LHFPL2: variants seen among roughly 807,000 people sequenced by gnomAD.
LHFPL2 encodes the protein LHFPL tetraspan subfamily member 2 protein.
Under a neutral mutation model 17.5 loss-of-function variants are expected in LHFPL2, and 7 were observed. That is an observed-to-expected ratio of 0.40 (90% CI 0.23 to 0.75). The LOEUF is 0.75. Ranked by LOEUF, LHFPL2 falls within the 30% of genes least tolerant of loss-of-function variation. The probability of loss-of-function intolerance (pLI) is 0.37; values close to 1 mark genes in which losing one functional copy is unlikely to be tolerated. For synonymous variants in LHFPL2, 134 were observed against 116.2 expected, an observed-to-expected ratio of 1.15 and a Z score of -0.99; for missense variants, 241 against 294.8, an observed-to-expected ratio of 0.82 and a Z score of 1.34.
In LHFPL2 at chr5:78,598,224, T is replaced by C. The variant is rs344657; in HGVS notation, c.-244-33353A>G. 8.7e-3 allele frequency among the ~76,000 whole-genome samples: 1,330 copies of C among 152,334 alleles called. 9 individuals are homozygous for C. The highest frequency in any genetic ancestry group is 0.013 in the Non-Finnish European group (878 of 68,024). ...TATACAAACTACTAGTTCAAGTTAA[T>C]TCACAAAATGCATTACATTCCTTTT... On this transcript the variant is annotated intron_variant, in intron 2 of 4. Transcript: ENST00000380345.
At chr5:78,530,442 G>C (rs1755748656) in intron 3 of LHFPL2, among the ~76,000 whole-genome samples, 1 of 152,308 alleles carries the variant, frequency 6.6e-6, no homozygotes, top group Middle Eastern at 3.4e-3. Flanking sequence ...CAAGAGATTT[G>C]TCTACACACG....
At chr5:78,594,149 C>A (rs1743746357) in intron 2 of LHFPL2, among the ~76,000 whole-genome samples, 1 of 152,196 alleles carries the variant, frequency 6.6e-6, no homozygotes, top group Admixed American at 6.5e-5. Context: ...GTTATCCTGG[C>A]TCTTAGCCTT....
rs1432063173 is a variant in LHFPL2 at position 78,555,394 on chromosome 5, A to T, written c.-186+9419T>A. Among the ~76,000 whole-genome samples, 4 of 152,260 alleles carry T rather than the reference A, an allele frequency of 2.6e-5. No homozygotes were observed. The South Asian group carries it at 6.2e-4, about 24-fold the overall frequency. The stretch of plus-strand genomic sequence containing the variant: ...CATTTGTTTTAGAGAAATCTAGTTT[A>T]TCCATTGTGTAAGACTATTTCTAAT... On this transcript the variant is annotated intron_variant, in intron 3 of 4. Coordinates refer to ENST00000380345, the MANE Select transcript of LHFPL2 (RefSeq NM_005779.3).
chr5:78,509,107 C>T (rs1755023507), intron 4 of LHFPL2, among the ~76,000 whole-genome samples: 1 of 152,208 alleles, frequency 6.6e-6, no homozygotes, highest in South Asian at 2.1e-4. Flanking sequence ...CTTTTACTTT[C>T]CACCCATTTC....
At chr5:78,513,135 T>C (rs1010987513) in intron 3 of LHFPL2, among the ~76,000 whole-genome samples, 1 of 152,170 alleles carries the variant, frequency 6.6e-6, no homozygotes, top group Non-Finnish European at 1.5e-5. Flanking sequence ...GGGTGACTTG[T>C]ATCTTAATGA....
chr5:78,634,675 G>C (rs1561375327), intron 1 of LHFPL2, among the ~76,000 whole-genome samples: 1 of 152,182 alleles, frequency 6.6e-6, no homozygotes, highest in Non-Finnish European at 1.5e-5. Context: ...CCTGGAATAA[G>C]AGTTTCAGGC....
intron 2 of LHFPL2, among the ~76,000 whole-genome samples, chr5:78,579,367 G>A (rs1208673258): frequency 6.6e-6 from 1 of 151,842 alleles, no homozygotes; most frequent in African/African-American, 2.4e-5. Context: ...TATACTTTAA[G>A]TTTTAGGGTA....
Position 78,509,770 on chromosome 5 carries a change from T to A in LHFPL2, c.430+14A>T. 1 of 1,602,064 alleles carries A rather than the reference T, an allele frequency of 6.2e-7. No homozygotes were observed. The highest frequency in any genetic ancestry group is 8.5e-7 in the Non-Finnish European group (1 of 1,171,018). ...TCCCTCCATCCCACCGTGCCCGGGG[T>A]CCTGCCTTCTTACCTGCAATTCCTT... On this transcript the variant is annotated intron_variant, in intron 4 of 4. Coordinates refer to ENST00000380345, the MANE Select transcript of LHFPL2 (RefSeq NM_005779.3).
intron 3 of LHFPL2, among the ~76,000 whole-genome samples, chr5:78,551,717 A>T (rs1168295074): frequency 6.6e-6 from 1 of 152,218 alleles, no homozygotes; most frequent in Non-Finnish European, 1.5e-5. Context: ...CACTTCCCCA[A>T]GGTGGGTTAT....
At chr5:78,493,136 A>C (rs1282769975) in intron 4 of LHFPL2, among the ~76,000 whole-genome samples, 1 of 152,240 alleles carries the variant, frequency 6.6e-6, no homozygotes, top group East Asian at 1.9e-4. Context: ...TTGGGTATGT[A>C]GATAAAGCCT....
intron 4 of LHFPL2, among the ~76,000 whole-genome samples, chr5:78,508,310 AT>A (rs1754996985): frequency 6.6e-6 from 1 of 152,186 alleles, no homozygotes; most frequent in African/African-American, 2.4e-5. Context: ...CCCAAATTCC[AT>A]GAGTGCCTGA....
intron 2 of LHFPL2, among the ~76,000 whole-genome samples, chr5:78,586,727 GA>G (rs58105868): frequency 0.015 from 2,343 of 151,746 alleles, 52 homozygotes; most frequent in African/African-American, 0.047. Context: ...TTATAGGGGG[GA>G]AAAAAAAGCC....
intron 3 of LHFPL2, among the ~76,000 whole-genome samples, chr5:78,523,097 G>A (rs923592851): frequency 2.8e-5 from 4 of 143,672 alleles, no homozygotes; most frequent in Non-Finnish European, 6.1e-5. Context: ...GCGTGTGCAC[G>A]TGTGTGTGTC....
At chr5:78,564,587 G>A (rs1188518891) in intron 3 of LHFPL2, among the ~76,000 whole-genome samples, 1 of 152,142 alleles carries the variant, frequency 6.6e-6, no homozygotes, top group Non-Finnish European at 1.5e-5. Context: ...TTGAAGTGTG[G>A]CAATTATAGC....
At chr5:78,516,501 A>G (rs1254236803) in intron 3 of LHFPL2, among the ~76,000 whole-genome samples, 1 of 152,104 alleles carries the variant, frequency 6.6e-6, no homozygotes, top group African/African-American at 2.4e-5. Flanking sequence ...GGCGCTGTCA[A>G]ACAAAAATTA....
At chr5:78,606,226 A>G (rs1275993328) in intron 2 of LHFPL2, among the ~76,000 whole-genome samples, 1 of 152,196 alleles carries the variant, frequency 6.6e-6, no homozygotes, top group African/African-American at 2.4e-5. Flanking sequence ...TAGGGCCTCT[A>G]TATTTGAAAT....
chr5:78,529,738 G>A (rs564072290), intron 3 of LHFPL2, among the ~76,000 whole-genome samples: 2 of 152,270 alleles, frequency 1.3e-5, no homozygotes, highest in East Asian at 3.9e-4. Flanking sequence ...CTGAATTTTT[G>A]CAATATTAGA....
intron 4 of LHFPL2, among the ~76,000 whole-genome samples, chr5:78,507,150 T>C (rs1006295862): frequency 5.3e-5 from 8 of 152,006 alleles, no homozygotes; most frequent in African/African-American, 1.9e-4. Flanking sequence ...GCCAACATGA[T>C]GAAATTCTGT....
chr5:78,487,254 C>T lies in LHFPL2; in HGVS notation c.*1643G>A, dbSNP rs907923758. 6.6e-6 allele frequency: 1 copy of T among 152,270 alleles called. No individual in the cohort carries two copies. The highest frequency in any genetic ancestry group is 3.4e-3 in the Middle Eastern group (1 of 294). 9.4% of individuals were successfully genotyped at this position (152,270 alleles called of 1,614,324 possible). A position where few individuals can be genotyped will look rare whatever the true frequency, so the allele number is the denominator to read the frequency against. On this transcript the variant is annotated 3_prime_UTR_variant, in exon 5 of 5. Coordinates refer to ENST00000380345, the MANE Select transcript of LHFPL2 (RefSeq NM_005779.3). Reference sequence around the variant, plus strand: ...GAATGTAGTAAAACTGCGGTTGTCCCATTCCATCTCTGTATAATTATCTGT... The same window carrying T: ...GAATGTAGTAAAACTGCGGTTGTCCTATTCCATCTCTGTATAATTATCTGT...
Sources: gnomAD v4.1 joint callset for allele counts (sites outside exome capture counted in the v4.1 genomes callset) on GRCh38, gnomAD v4.1.1 for gene constraint, MANE v1.5 for transcripts, NCBI Gene and HGNC (gene_info 2026-07-23, HGNC 2026-07-21) for gene names.